NAA35: variants seen among roughly 807,000 people sequenced by gnomAD.
NAA35 encodes MAK10 homolog, amino-acid N-acetyltransferase subunit.
In NAA35, 18 loss-of-function variants were observed where a neutral mutation model predicts 101.7. That is an observed-to-expected ratio of 0.18 (90% CI 0.12 to 0.26). The LOEUF is 0.26. Among genes scored for constraint, NAA35 ranks in the 10% least tolerant of loss-of-function variants. The pLI, the probability that NAA35 is intolerant of heterozygous loss-of-function variation, is 1.00. For missense variants in NAA35, 601 were observed against 886.8 expected (o/e 0.68, Z 4.09); for synonymous variants, 267 against 273.1 (o/e 0.98, Z 0.22).
intron 6 of NAA35, among the ~76,000 whole-genome samples, chr9:85,964,541 T>C (rs1255143391): frequency 6.6e-6 from 1 of 152,258 alleles, no homozygotes; most frequent in African/African-American, 2.4e-5. Flanking sequence ...TTTAGAATTA[T>C]GTCCTGCATT....
intron 13 of NAA35, among the ~76,000 whole-genome samples, chr9:86,003,895 A>T (rs570661514): frequency 2.0e-5 from 3 of 152,280 alleles, no homozygotes; most frequent in African/African-American, 7.2e-5. Flanking sequence ...ATCATTTTAG[A>T]ATTAAACTAG....
intron 17 of NAA35, 76 bp downstream of exon 17, chr9:86,013,973 G>A: frequency 1.7e-6 from 2 of 1,197,920 alleles, no homozygotes; most frequent in Non-Finnish European, 2.3e-6. Context: ...TAATTTCAGG[G>A]TACTTTTTCA....
chr9:86,004,326 AACCCCT>A (rs1831539082), intron 13 of NAA35, among the ~76,000 whole-genome samples: 1 of 152,046 alleles, frequency 6.6e-6, no homozygotes, highest in African/African-American at 2.4e-5. Context: ...GCTGGTCTCA[AACCCCT>A]GACCTCAGGT....
At chr9:86,021,856 G>T in intron 22 of NAA35, 45 bp from the exon 23 acceptor site, 2 of 1,429,196 alleles carry the variant, frequency 1.4e-6, no homozygotes, top group South Asian at 2.3e-5. Flanking sequence ...TGTACCATCT[G>T]AATATTTGTA....
At chr9:86,001,750 G>A (rs1358983278) in intron 12 of NAA35, among the ~76,000 whole-genome samples, 1 of 151,998 alleles carries the variant, frequency 6.6e-6, no homozygotes, top group Non-Finnish European at 1.5e-5. Flanking sequence ...TTTATTTTGA[G>A]CCTATGAGTG....
intron 2 of NAA35, among the ~76,000 whole-genome samples, chr9:85,947,005 A>G (rs930795604): frequency 1.3e-5 from 2 of 152,096 alleles, no homozygotes; most frequent in African/African-American, 4.8e-5. Context: ...GGTGCTCAAT[A>G]TATATATTTG....
chr9:85,987,202 T>C (rs144348696), intron 11 of NAA35, among the ~76,000 whole-genome samples: 61 of 152,310 alleles, frequency 4.0e-4, no homozygotes, highest in African/African-American at 1.3e-3. Flanking sequence ...GAGGATTGAT[T>C]GTTGGTTTTA....
At chr9:85,995,464 G>A (rs540750794) in intron 11 of NAA35, among the ~76,000 whole-genome samples, 2 of 152,166 alleles carry the variant, frequency 1.3e-5, no homozygotes, top group South Asian at 4.1e-4. Context: ...AGAAAATACA[G>A]AGAAGAGGAA....
At chr9:86,001,406 G>A (rs1452185261) in intron 12 of NAA35, among the ~76,000 whole-genome samples, 10 of 151,962 alleles carry the variant, frequency 6.6e-5, no homozygotes, top group East Asian at 1.9e-4. Context: ...AATCCATTTG[G>A]TCCAGTGCTG....
Position 86,007,413 on chromosome 9 carries a change from T to C in NAA35, c.1172T>C (p.Met391Thr), listed in dbSNP as rs1831694000. 6.2e-7 allele frequency: 1 copy of C among 1,613,828 alleles called. No homozygotes were observed. Among genetic ancestry groups the C allele is most frequent in the Non-Finnish European group, 8.5e-7 (1 of 1,179,850 alleles). ...KVFGTHLMQD[M>T]VKDALRSFVS... ...TTTGGAACTCATCTCATGCAAGACA[T>C]GGTGAAAGATGCACTTCGGTCTTTT... Residue 391 changes from methionine (M) to threonine (T), a missense_variant, in exon 14 of 23, where the codon ATG becomes ACG. Physicochemically the swap from Met to Thr is moderately conservative, Grantham distance 81. This residue lies in a region of NAA35 where 190 missense variants were observed against 223.1 expected (regional missense o/e 0.85). Coordinates refer to ENST00000361671, the MANE Select transcript of NAA35 (RefSeq NM_024635.4).
At chr9:85,986,584 G>T in intron 11 of NAA35, 1 of 360,640 alleles carries the variant, frequency 2.8e-6, no homozygotes. Flanking sequence ...GATCAGAGGT[G>T]TCCAATCTTT....
chr9:85,943,219 TTAAC>T (rs1253721102), intron 2 of NAA35, among the ~76,000 whole-genome samples: 3 of 151,948 alleles, frequency 2.0e-5, no homozygotes, highest in African/African-American at 4.8e-5. Context: ...AAGGAACAAA[TTAAC>T]TAGAGTGAGA....
At chr9:85,996,956 AT>A (rs1035778925) in intron 12 of NAA35, among the ~76,000 whole-genome samples, 2 of 148,438 alleles carry the variant, frequency 1.3e-5, no homozygotes, top group Non-Finnish European at 3.0e-5. Flanking sequence ...TTTTTTTTTA[AT>A]TTTTTTTGTG....
chr9:85,959,549 CCT>C (rs1258282274), intron 4 of NAA35, among the ~76,000 whole-genome samples: 8 of 151,710 alleles, frequency 5.3e-5, no homozygotes, highest in African/African-American at 1.9e-4. Flanking sequence ...TTGTTGAAGA[CCT>C]AAGATATATT....
At chr9:85,960,141 T>C (rs1054226082) in intron 5 of NAA35, among the ~76,000 whole-genome samples, 2 of 152,228 alleles carry the variant, frequency 1.3e-5, no homozygotes, top group African/African-American at 4.8e-5. Context: ...CTCAAGTTAC[T>C]CAAGTGATAA....
intron 4 of NAA35, among the ~76,000 whole-genome samples, chr9:85,959,466 T>C (rs1303823194): frequency 6.6e-6 from 1 of 151,938 alleles, no homozygotes; most frequent in East Asian, 1.9e-4. Flanking sequence ...TTAAAGCTGG[T>C]TTGAACTGTG....
intron 10 of NAA35, 105 bp downstream of exon 10, chr9:85,977,551 G>T: frequency 1.4e-6 from 1 of 738,428 alleles, no homozygotes; most frequent in Non-Finnish European, 2.4e-6. Context: ...CCTGATCCCA[G>T]ATATACAGAA....
Position 85,958,535 on chromosome 9 carries a change from G to A in NAA35, c.222G>A (p.Met74Ile). Reference sequence around the variant, plus strand: ...TGGATCCCAAGATGGATGCTGGCATGATTGGAAACCAAGTTAATCGAAAAG... The same window carrying A: ...TGGATCCCAAGATGGATGCTGGCATAATTGGAAACCAAGTTAATCGAAAAG... ...EMMDPKMDAGMIGNQVNRKVL... is the reference protein window; with the variant it reads ...EMMDPKMDAGIIGNQVNRKVL... The change falls in exon 4 of 23, where the codon ATG becomes ATA. Residue 74 changes from methionine (M) to isoleucine (I), a missense_variant. Coordinates refer to ENST00000361671, the MANE Select transcript of NAA35 (RefSeq NM_024635.4). 6.2e-7 allele frequency: 1 copy of A among 1,611,662 alleles called. No individual in the cohort carries two copies. The highest frequency in any genetic ancestry group is 8.5e-7 in the Non-Finnish European group (1 of 1,178,652).
chr9:85,969,084 T>G (rs554521952), intron 6 of NAA35, among the ~76,000 whole-genome samples: 2 of 152,198 alleles, frequency 1.3e-5, no homozygotes, highest in Non-Finnish European at 2.9e-5. Flanking sequence ...CACTGTGTGC[T>G]ATGCCCACTA....
Sources: gnomAD v4.1 joint callset for allele counts (sites outside exome capture counted in the v4.1 genomes callset) on GRCh38, gnomAD v4.1.1 for gene constraint, gnomAD v4.1.1 regional missense constraint, MANE v1.5 for transcripts, NCBI Gene and HGNC (gene_info 2026-07-23, HGNC 2026-07-21) for gene names.